The following CPE variants were observed in gnomAD, a reference collection of about 807,000 sequenced individuals.
CPE encodes the protein carboxypeptidase E, also known as carbocypeptidase E.
Under a neutral mutation model 53.5 loss-of-function variants are expected in CPE, and 17 were observed. The ratio of observed to expected loss-of-function variants is 0.32; its 90% CI spans 0.22 to 0.48. The LOEUF (loss-of-function observed/expected upper bound fraction) is 0.48. Among genes scored for constraint, CPE ranks in the 20% least tolerant of loss-of-function variants. The pLI, the probability that CPE is intolerant of heterozygous loss-of-function variation, is 0.99. For synonymous variants in CPE, 226 were observed against 228.8 expected (o/e 0.99, Z 0.11); for missense variants, 524 against 614.7 (o/e 0.85, Z 1.56).
In CPE at chr4:165,388,631, G is replaced by A. The variant is rs113163126; in HGVS notation, c.307+9103G>A. Among the ~76,000 whole-genome samples the A allele has an allele frequency of 6.4e-3, 975 of 152,284 alleles. 12 individuals carry two copies. Among genetic ancestry groups the A allele is most frequent in the African/African-American group, 0.022 (898 of 41,562 alleles). On this transcript the variant is annotated intron_variant, in intron 1 of 8. Coordinates refer to ENST00000402744, the MANE Select transcript of CPE (RefSeq NM_001873.4). Reference sequence around the variant, plus strand: ...CAGTGGATACATTACTTGATTCTGCGTAATGCCTGCTGCATATGATGCAGG... The same window carrying A: ...CAGTGGATACATTACTTGATTCTGCATAATGCCTGCTGCATATGATGCAGG...
intron 2 of CPE, 67 bp from the exon 3 acceptor site, chr4:165,467,621 C>T (rs1732130417): frequency 1.4e-6 from 2 of 1,441,160 alleles, no homozygotes; most frequent in Non-Finnish European, 1.9e-6. Context: ...TTGATAGGGA[C>T]CTTAAATAGA....
chr4:165,403,979 G>T, intron 1 of CPE: 1 of 664,960 alleles, frequency 1.5e-6, no homozygotes. Context: ...TCGTTACTCT[G>T]ATAAATCTAG....
intron 3 of CPE, among the ~76,000 whole-genome samples, chr4:165,476,087 GAAGA>G (rs1732294498): frequency 6.6e-6 from 1 of 152,200 alleles, no homozygotes; most frequent in South Asian, 2.1e-4. Context: ...TGCTTCCTCA[GAAGA>G]AAGAATTAAA....
intron 1 of CPE, among the ~76,000 whole-genome samples, chr4:165,457,145 A>C (rs1034321388): frequency 6.6e-6 from 1 of 152,150 alleles, no homozygotes; most frequent in East Asian, 1.9e-4. Context: ...ATCTATCCCA[A>C]ATAATTGCTT....
chr4:165,427,593 A>G (rs11732161), intron 1 of CPE, among the ~76,000 whole-genome samples: 44,959 of 152,058 alleles, frequency 0.3, 6,740 homozygotes, highest in Middle Eastern at 0.39. Context: ...GAACCTACAC[A>G]TATTTTGCAT....
chr4:165,451,527 C>T (rs1030295883), intron 1 of CPE, among the ~76,000 whole-genome samples: 4 of 151,802 alleles, frequency 2.6e-5, no homozygotes, highest in East Asian at 1.9e-4. Context: ...AGTCTCGCTC[C>T]GTTGCCCAGG....
Position 165,404,162 on chromosome 4 carries a change from C to T in CPE, c.307+24634C>T, listed in dbSNP as rs530132668. On this transcript the variant is annotated intron_variant, in intron 1 of 8. Coordinates refer to ENST00000402744, the MANE Select transcript of CPE (RefSeq NM_001873.4). ...ATAGGCAGCCTCATACTTCTTGAGC[C>T]GGTCCACTATCTTCTGGGCTTCATA... 608 of 762,542 alleles carry T rather than the reference C, an allele frequency of 8.0e-4. 7 individuals carry two copies. The highest frequency in any genetic ancestry group is 7.8e-3 in the South Asian group (574 of 73,940). The allele number at this position is 762,542 out of a possible 1,614,324, so 47.2% of individuals were successfully genotyped here. A position where few individuals can be genotyped will look rare whatever the true frequency, so the allele number is the denominator to read the frequency against.
At chr4:165,403,538 G>A (rs1730902664) in intron 1 of CPE, among the ~76,000 whole-genome samples, 1 of 152,106 alleles carries the variant, frequency 6.6e-6, no homozygotes, top group African/African-American at 2.4e-5. Context: ...CACTATTAAT[G>A]TGACAATGAT....
At chr4:165,399,160 C>T (rs1164702459) in intron 1 of CPE, among the ~76,000 whole-genome samples, 1 of 151,970 alleles carries the variant, frequency 6.6e-6, no homozygotes, top group Admixed American at 6.6e-5. Flanking sequence ...TGTTCATAAA[C>T]CAGAGATGTA....
chr4:165,470,491 G>C (rs1420862839), intron 3 of CPE, among the ~76,000 whole-genome samples: 3 of 152,104 alleles, frequency 2.0e-5, no homozygotes, highest in Non-Finnish European at 4.4e-5. Context: ...CTCTTAGTAT[G>C]CTTAAGCCCA....
rs2126648084 is a variant in CPE at position 165,379,116 on chromosome 4, C to T, written c.-106C>T. 4.0e-6 allele frequency: 4 copies of T among 1,004,760 alleles called. No individual in the cohort carries two copies. The highest frequency in any genetic ancestry group is 3.8e-5 in the East Asian group (1 of 26,516). 62.2% of individuals were successfully genotyped at this position (1,004,760 alleles called of 1,614,324 possible). On this transcript the variant is annotated 5_prime_UTR_variant, in exon 1 of 9. Coordinates refer to ENST00000402744, the MANE Select transcript of CPE (RefSeq NM_001873.4). The surrounding 1 kb of genome is among the most constrained non-coding windows in gnomAD (Gnocchi z 6.0). ...AAGGTGAGGCGAGTAGAGGCTGGTG[C>T]GGAACTTGCCGCCCCCAGCAGCGCC... is the stretch of plus-strand genomic sequence containing the variant.
chr4:165,431,054 C>G (rs1232138733), intron 1 of CPE, among the ~76,000 whole-genome samples: 1 of 152,182 alleles, frequency 6.6e-6, no homozygotes, highest in Admixed American at 6.5e-5. Context: ...CAGCCTGAGC[C>G]CCATTCCTAG....
intron 3 of CPE, among the ~76,000 whole-genome samples, chr4:165,477,584 C>T (rs1034736964): frequency 1.3e-5 from 2 of 152,076 alleles, no homozygotes; most frequent in African/African-American, 4.8e-5. Flanking sequence ...TTCCCTCTTC[C>T]CCTTCTCAGC....
At chr4:165,409,467 G>A (rs1731002725) in intron 1 of CPE, among the ~76,000 whole-genome samples, 1 of 152,190 alleles carries the variant, frequency 6.6e-6, no homozygotes, top group Admixed American at 6.5e-5. Flanking sequence ...GACTCCCGAA[G>A]TGCTGGGATT....
chr4:165,443,499 G>T (rs1731650949), intron 1 of CPE, among the ~76,000 whole-genome samples: 1 of 152,118 alleles, frequency 6.6e-6, no homozygotes, highest in Admixed American at 6.5e-5. Context: ...GAGATCAAAG[G>T]CAGGCAGGTT....
rs139229016 is a variant in CPE at position 165,461,804 on chromosome 4, G to A, written c.308-2586G>A. ...TGTATTTAAACAATGTGGCTGTTCC[G>A]CATCTCACAAGTCATGTTAGTTGGC... On this transcript the variant is annotated intron_variant, in intron 1 of 8. Transcript: ENST00000402744. Among the ~76,000 whole-genome samples the A allele has an allele frequency of 6.9e-3, 1,052 of 152,192 alleles. 7 individuals carry two copies. Among genetic ancestry groups the A allele is most frequent in the Admixed American group, 0.011 (168 of 15,290 alleles).
chr4:165,440,124 T>G (rs1308393031), intron 1 of CPE, among the ~76,000 whole-genome samples: 1 of 152,168 alleles, frequency 6.6e-6, no homozygotes, highest in Admixed American at 6.6e-5. Context: ...GTGTGTGTGT[T>G]TTTCTGTTTT....
chr4:165,466,331 G>C (rs1313377621), intron 2 of CPE, among the ~76,000 whole-genome samples: 1 of 152,110 alleles, frequency 6.6e-6, no homozygotes, highest in African/African-American at 2.4e-5. Context: ...CTTTGGACAG[G>C]GCTTTTACCA....
intron 1 of CPE, among the ~76,000 whole-genome samples, chr4:165,384,702 A>G (rs1730560553): frequency 1.3e-5 from 2 of 152,202 alleles, no homozygotes; most frequent in African/African-American, 4.8e-5. Flanking sequence ...ATCATTCTTT[A>G]TCATAGTATT....
Sources: gnomAD v4.1 joint callset for allele counts (sites outside exome capture counted in the v4.1 genomes callset) on GRCh38, gnomAD v4.1.1 for gene constraint, Gnocchi (gnomAD v3.1) non-coding constraint, MANE v1.5 for transcripts, NCBI Gene and HGNC (gene_info 2026-07-23, HGNC 2026-07-21) for gene names.